CTNNA3: variants seen among roughly 807,000 people sequenced by gnomAD.
The protein encoded by CTNNA3 is catenin alpha-3.
CTNNA3 carries 76 observed loss-of-function variants against 95.7 expected under a neutral mutation model. That is an observed-to-expected ratio of 0.79 (90% CI 0.66 to 0.96). The LOEUF (loss-of-function observed/expected upper bound fraction) is 0.96, where lower values mean the gene tolerates loss of function less well. Among genes scored for constraint, CTNNA3 ranks in the 40% least tolerant of loss-of-function variants. CTNNA3 has a pLI of 0.00. For missense variants in CTNNA3, 1,191 were observed against 1,089.8 expected, an observed-to-expected ratio of 1.09 and a Z score of -1.31; for synonymous variants, 431 against 374.4, an observed-to-expected ratio of 1.15 and a Z score of -1.74.
At chr10:66,382,797 CAG>C (rs1426755379) in intron 11 of CTNNA3, among the ~76,000 whole-genome samples, 2 of 152,138 alleles carry the variant, frequency 1.3e-5, no homozygotes, top group African/African-American at 4.8e-5. Flanking sequence ...CCCAGGCAAA[CAG>C]GGTCTGTAGT....
intron 12 of CTNNA3, among the ~76,000 whole-genome samples, chr10:66,303,503 C>G (rs1007301805): frequency 6.6e-6 from 1 of 150,656 alleles, no homozygotes; most frequent in Non-Finnish European, 1.5e-5. Flanking sequence ...GGTAAAAAAA[C>G]TTTTTTATTT....
At chr10:67,562,598 T>C (rs1190741067) in intron 3 of CTNNA3, among the ~76,000 whole-genome samples, 2 of 152,300 alleles carry the variant, frequency 1.3e-5, no homozygotes, top group Non-Finnish European at 2.9e-5. Flanking sequence ...ATGCCCTCTC[T>C]CACCACTCCT....
intron 13 of CTNNA3, among the ~76,000 whole-genome samples, chr10:66,249,624 C>T (rs1293705927): frequency 6.6e-6 from 1 of 152,040 alleles, no homozygotes; most frequent in Admixed American, 6.5e-5. Context: ...AAAAGACAAG[C>T]AATAACAAAT....
chr10:67,165,789 T>C (rs1166347865), intron 7 of CTNNA3, among the ~76,000 whole-genome samples: 1 of 152,152 alleles, frequency 6.6e-6, no homozygotes, highest in Non-Finnish European at 1.5e-5. Context: ...ATTCAGTCAG[T>C]TTTATTTTTA....
intron 7 of CTNNA3, among the ~76,000 whole-genome samples, chr10:66,981,434 C>A (rs1850435909): frequency 1.3e-5 from 2 of 152,182 alleles, no homozygotes; most frequent in Admixed American, 6.5e-5. Context: ...TGCCACTGAC[C>A]ATATGACTTA....
At chr10:66,323,698 A>G (rs1564867234) in intron 12 of CTNNA3, among the ~76,000 whole-genome samples, 1 of 151,340 alleles carries the variant, frequency 6.6e-6, no homozygotes, top group African/African-American at 2.4e-5. Flanking sequence ...TCCCCAGCAA[A>G]GCCCCTACTC....
chr10:67,421,400 T>C (rs1476794641), intron 5 of CTNNA3, among the ~76,000 whole-genome samples: 1 of 152,248 alleles, frequency 6.6e-6, no homozygotes, highest in Non-Finnish European at 1.5e-5. Flanking sequence ...TGTTATTTTT[T>C]GTTTTTGTTT....
At chr10:66,322,079 C>T (rs892187778) in intron 12 of CTNNA3, among the ~76,000 whole-genome samples, 2 of 152,094 alleles carry the variant, frequency 1.3e-5, no homozygotes, top group African/African-American at 4.8e-5. Context: ...CCAGAACACA[C>T]TCAGAACAGG....
chr10:66,991,486 T>C (rs572083377), intron 7 of CTNNA3, among the ~76,000 whole-genome samples: 4 of 152,340 alleles, frequency 2.6e-5, no homozygotes, highest in African/African-American at 7.2e-5. Flanking sequence ...TAAAAGGGTA[T>C]ATTTAAACAT....
chr10:67,361,311 C>A (rs1382251359), intron 5 of CTNNA3, among the ~76,000 whole-genome samples: 1 of 152,154 alleles, frequency 6.6e-6, no homozygotes, highest in Non-Finnish European at 1.5e-5. Flanking sequence ...CACTCATCAA[C>A]CACAGAATAT....
chr10:67,658,356 T>C (rs1470433349), intron 1 of CTNNA3, among the ~76,000 whole-genome samples: 1 of 152,200 alleles, frequency 6.6e-6, no homozygotes, highest in African/African-American at 2.4e-5. Flanking sequence ...CAAACATTAG[T>C]TGATATCATT....
chr10:66,356,551 C>A (rs1259988895), intron 12 of CTNNA3, among the ~76,000 whole-genome samples: 1 of 151,626 alleles, frequency 6.6e-6, no homozygotes, highest in African/African-American at 2.4e-5. Flanking sequence ...ATCATGTCAT[C>A]TGCACATAGA....
chr10:66,796,885 C>T (rs1052621311), intron 7 of CTNNA3, among the ~76,000 whole-genome samples: 4 of 151,908 alleles, frequency 2.6e-5, no homozygotes, highest in African/African-American at 7.3e-5. Context: ...ATCACTCCAG[C>T]GGAATATCAA....
At chr10:67,019,757 A>G (rs1171917922) in intron 7 of CTNNA3, among the ~76,000 whole-genome samples, 1 of 152,212 alleles carries the variant, frequency 6.6e-6, no homozygotes, top group Admixed American at 6.5e-5. Context: ...GTCTCCATGA[A>G]TACCATCTAC....
intron 5 of CTNNA3, among the ~76,000 whole-genome samples, chr10:67,250,201 C>A (rs906540595): frequency 6.6e-6 from 1 of 151,926 alleles, no homozygotes; most frequent in Non-Finnish European, 1.5e-5. Context: ...GATATGAAAT[C>A]TAAGTATACA....
At chr10:66,006,403 A>G (rs544342875) in intron 15 of CTNNA3, among the ~76,000 whole-genome samples, 1 of 152,250 alleles carries the variant, frequency 6.6e-6, no homozygotes, top group African/African-American at 2.4e-5. Context: ...ACAAACCAAA[A>G]GACTAAAAGT....
At chr10:66,818,985 G>T (rs1306596238) in intron 7 of CTNNA3, among the ~76,000 whole-genome samples, 1 of 151,614 alleles carries the variant, frequency 6.6e-6, no homozygotes, top group Non-Finnish European at 1.5e-5. Flanking sequence ...AGCTACTCAG[G>T]AGGCTGAGGC....
chr10:67,519,214 CT>C (rs1839909790), intron 5 of CTNNA3, among the ~76,000 whole-genome samples: 1 of 152,052 alleles, frequency 6.6e-6, no homozygotes, highest in African/African-American at 2.4e-5. Flanking sequence ...CTCCAGTAGT[CT>C]TATCTTGTGC....
chr10:66,724,519 G>A (rs923320910), intron 9 of CTNNA3, among the ~76,000 whole-genome samples: 1 of 152,122 alleles, frequency 6.6e-6, no homozygotes, highest in East Asian at 1.9e-4. Flanking sequence ...TACTAATTAT[G>A]TCTTACTTAA....
Sources: gnomAD v4.1 joint callset for allele counts (sites outside exome capture counted in the v4.1 genomes callset) on GRCh38, gnomAD v4.1.1 for gene constraint, MANE v1.5 for transcripts, NCBI Gene and HGNC (gene_info 2026-07-23, HGNC 2026-07-21) for gene names.